Variants in WDPCP observed in about 807,000 individuals in gnomAD.
WDPCP encodes WD repeat containing planar cell polarity effector.
In WDPCP, 71 loss-of-function variants were observed where a neutral mutation model predicts 93.1. That is an observed-to-expected ratio of 0.76 (90% CI 0.63 to 0.93). The LOEUF (loss-of-function observed/expected upper bound fraction) is 0.93. Ranked by LOEUF, WDPCP falls within the 40% of genes least tolerant of loss-of-function variation. WDPCP has a pLI of 0.00. For missense variants in WDPCP, 844 were observed against 887.4 expected (o/e 0.95, Z 0.62); for synonymous variants, 315 against 315.0 (o/e 1.00, Z 0.00).
intron 12 of WDPCP, among the ~76,000 whole-genome samples, chr2:63,361,481 A>G (rs759857386): frequency 3.3e-5 from 5 of 152,202 alleles, no homozygotes; most frequent in Non-Finnish European, 7.3e-5. Flanking sequence ...GTAAACAAGT[A>G]TTTATTGAGT....
chr2:63,659,795 T>C (rs1710206831), intron 2 of WDPCP, among the ~76,000 whole-genome samples: 1 of 152,218 alleles, frequency 6.6e-6, no homozygotes, highest in Non-Finnish European at 1.5e-5. Flanking sequence ...GAGTATCCTC[T>C]AATGGCCACC....
intron 14 of WDPCP, among the ~76,000 whole-genome samples, chr2:63,185,919 C>A (rs914058368): frequency 3.4e-5 from 5 of 146,254 alleles, no homozygotes; most frequent in East Asian, 3.9e-4. Flanking sequence ...ACCTCCCGGC[C>A]CCCCCACCTC....
chr2:63,661,382 G>T (rs1575741368), intron 2 of WDPCP, among the ~76,000 whole-genome samples: 1 of 152,138 alleles, frequency 6.6e-6, no homozygotes, highest in East Asian at 1.9e-4. Context: ...TGAGTATTCA[G>T]TTAATGTCTG....
intron 14 of WDPCP, among the ~76,000 whole-genome samples, chr2:63,255,469 T>G (rs187665694): frequency 7.4e-4 from 113 of 152,304 alleles, no homozygotes; most frequent in African/African-American, 2.5e-3. Context: ...CATGGCTTGG[T>G]GCCCTCCCCA....
chr2:63,559,294 A>G (rs1261992792), intron 1 of WDPCP, among the ~76,000 whole-genome samples: 4 of 152,170 alleles, frequency 2.6e-5, no homozygotes, highest in African/African-American at 9.6e-5. Context: ...ATAGCGATTT[A>G]TGACAACCCA....
chr2:63,315,531 C>T (rs1686569961), intron 12 of WDPCP, among the ~76,000 whole-genome samples: 2 of 151,798 alleles, frequency 1.3e-5, no homozygotes, highest in Admixed American at 6.6e-5. Context: ...AAACAAGGCA[C>T]TATAACTAAA....
At chr2:63,315,787 T>TTGCTCTGTTACCCAAGCTGGA (rs1338300844) in intron 12 of WDPCP, among the ~76,000 whole-genome samples, 2 of 152,086 alleles carry the variant, frequency 1.3e-5, no homozygotes, top group African/African-American at 4.8e-5. Flanking sequence ...GGACTGGGTC[T>TTGCTCTGTTACCCAAGCTGGA]TGCTCTGTTA....
At chr2:63,527,881 G>A (rs1703472525) in intron 1 of WDPCP, among the ~76,000 whole-genome samples, 1 of 152,014 alleles carries the variant, frequency 6.6e-6, no homozygotes, top group Non-Finnish European at 1.5e-5. Flanking sequence ...TCCAAGACCT[G>A]TTGTTTCCTG....
chr2:63,707,495 T>TCAGGTCC (rs1199303545), intron 2 of WDPCP, among the ~76,000 whole-genome samples: 70 of 152,326 alleles, frequency 4.6e-4, no homozygotes, highest in African/African-American at 1.6e-3. Context: ...CTTAAGTACT[T>TCAGGTCC]CTCTGCATTG....
chr2:63,181,154 T>C (rs1207427020), intron 14 of WDPCP, among the ~76,000 whole-genome samples: 1 of 152,100 alleles, frequency 6.6e-6, no homozygotes, highest in Admixed American at 6.6e-5. Flanking sequence ...CTACACATTG[T>C]CTGTTCTCTT....
At chr2:63,820,556 T>C (rs571155898) in intron 1 of WDPCP, among the ~76,000 whole-genome samples, 14 of 152,196 alleles carry the variant, frequency 9.2e-5, no homozygotes, top group Non-Finnish European at 2.1e-4. Context: ...ACCTATCTCA[T>C]TCTTTAAACA....
intron 17 of WDPCP, among the ~76,000 whole-genome samples, chr2:63,149,053 T>A (rs902133486): frequency 9.2e-5 from 14 of 151,980 alleles, no homozygotes; most frequent in African/African-American, 1.2e-4. Context: ...TAGTCAAAAA[T>A]TTTTTTCGTC....
At chr2:63,502,864 C>A (rs1406435589) in intron 1 of WDPCP, among the ~76,000 whole-genome samples, 1 of 151,868 alleles carries the variant, frequency 6.6e-6, no homozygotes, top group Non-Finnish European at 1.5e-5. Flanking sequence ...GAGATTTAGA[C>A]CCCAGCCAGA....
At chr2:63,598,760 G>C (rs1709364078) in intron 3 of WDPCP, among the ~76,000 whole-genome samples, 1 of 151,956 alleles carries the variant, frequency 6.6e-6, no homozygotes, top group Non-Finnish European at 1.5e-5. Flanking sequence ...TAAATTGCAG[G>C]CTATTTGGAG....
chr2:63,314,845 C>T (rs1462604241), intron 12 of WDPCP, among the ~76,000 whole-genome samples: 1 of 152,162 alleles, frequency 6.6e-6, no homozygotes, highest in Non-Finnish European at 1.5e-5. Context: ...ACATGTCTAA[C>T]ATGTTCACTG....
chr2:63,355,112 C>G (rs1364333920), intron 12 of WDPCP, among the ~76,000 whole-genome samples: 2 of 152,104 alleles, frequency 1.3e-5, no homozygotes, highest in Non-Finnish European at 2.9e-5. Flanking sequence ...ACATTCCACA[C>G]AAGAAGAACA....
intron 6 of WDPCP, among the ~76,000 whole-genome samples, chr2:63,468,286 A>G (rs1351022068): frequency 6.6e-6 from 1 of 152,124 alleles, no homozygotes; most frequent in Non-Finnish European, 1.5e-5. Flanking sequence ...AATCTCTCAC[A>G]TGGCTAGTAC....
At chr2:63,591,789 A>C (rs1709206309), upstream of WDPCP, among the ~76,000 whole-genome samples, 1 of 152,252 alleles carries the variant, frequency 6.6e-6, no homozygotes, top group Non-Finnish European at 1.5e-5. Flanking sequence ...CAGGCTATTA[A>C]AGTCTTTAGA....
At chr2:63,652,153 T>C (rs1710117141) in intron 2 of WDPCP, among the ~76,000 whole-genome samples, 1 of 152,218 alleles carries the variant, frequency 6.6e-6, no homozygotes, top group Non-Finnish European at 1.5e-5. Flanking sequence ...CATGATGCAT[T>C]TGCAGAAGGC....
Sources: gnomAD v4.1 joint callset for allele counts (sites outside exome capture counted in the v4.1 genomes callset) on GRCh38, gnomAD v4.1.1 for gene constraint, MANE v1.5 for transcripts, NCBI Gene and HGNC (gene_info 2026-07-23, HGNC 2026-07-21) for gene names.